PTPRT: variants seen among roughly 807,000 people sequenced by gnomAD.
PTPRT encodes protein tyrosine phosphatase receptor type T, also known as receptor-type tyrosine-protein phosphatase T.
In PTPRT, 56 loss-of-function variants were observed where a neutral mutation model predicts 176.8. The ratio of observed to expected loss-of-function variants is 0.32; its 90% CI spans 0.26 to 0.40. The LOEUF (loss-of-function observed/expected upper bound fraction) is 0.40. Among genes scored for constraint, PTPRT ranks in the 10% least tolerant of loss-of-function variants. PTPRT has a pLI of 1.00. For synonymous variants in PTPRT, 783 were observed against 739.0 expected (o/e 1.06, Z -0.96); for missense variants, 1,540 against 1,908.2 (o/e 0.81, Z 3.60).
chr20:42,139,215 T>G (rs2146405442), intron 18 of PTPRT, among the ~76,000 whole-genome samples: 1 of 152,332 alleles, frequency 6.6e-6, no homozygotes, highest in African/African-American at 2.4e-5. Context: ...CAGCACTGAA[T>G]GCAGACCTGC....
At chr20:42,192,739 C>A (rs1991049405) in intron 16 of PTPRT, among the ~76,000 whole-genome samples, 1 of 152,226 alleles carries the variant, frequency 6.6e-6, no homozygotes, top group African/African-American at 2.4e-5. Context: ...TGCCAGGCTG[C>A]AAGCTCTCTG....
intron 7 of PTPRT, among the ~76,000 whole-genome samples, chr20:42,567,838 A>G (rs976093668): frequency 1.3e-5 from 2 of 152,206 alleles, no homozygotes; most frequent in Non-Finnish European, 2.9e-5. Flanking sequence ...GCATTGATAC[A>G]TGGCACTTGG....
chr20:42,111,014 C>A (rs1431896905), intron 22 of PTPRT, among the ~76,000 whole-genome samples: 2 of 152,160 alleles, frequency 1.3e-5, no homozygotes, highest in African/African-American at 2.4e-5. Context: ...TAAGTAGATT[C>A]TTACTTAGAA....
intron 11 of PTPRT, among the ~76,000 whole-genome samples, chr20:42,316,543 G>A (rs144907391): frequency 3.0e-4 from 45 of 152,216 alleles, no homozygotes; most frequent in African/African-American, 1.1e-3. Context: ...CTAATCATAT[G>A]GCTTCCTAAT....
chr20:43,075,045 T>A (rs1303836629), intron 1 of PTPRT, among the ~76,000 whole-genome samples: 1 of 152,240 alleles, frequency 6.6e-6, no homozygotes, highest in Non-Finnish European at 1.5e-5. Context: ...GATCTCTGCA[T>A]GGATGCAGAA....
At chr20:42,497,224 T>C (rs1243451315) in intron 7 of PTPRT, among the ~76,000 whole-genome samples, 1 of 152,186 alleles carries the variant, frequency 6.6e-6, no homozygotes, top group Non-Finnish European at 1.5e-5. Flanking sequence ...CACAGAATCA[T>C]AGATTTAGCA....
chr20:42,227,193 G>A (rs949442330), intron 15 of PTPRT, among the ~76,000 whole-genome samples: 1 of 151,916 alleles, frequency 6.6e-6, no homozygotes, highest in Non-Finnish European at 1.5e-5. Context: ...GAGGAGGAAG[G>A]GAAGAGGAAA....
rs62204925 is a variant in PTPRT, at chr20:42,478,225, G to A, written c.1154-5663C>T. Reference sequence around the variant, plus strand: ...GTTGGGTGAAAGGAGAAGGGGGAAGGGGCCACGGGCTGACATTTTTATTCC... The same window carrying A: ...GTTGGGTGAAAGGAGAAGGGGGAAGAGGCCACGGGCTGACATTTTTATTCC... On this transcript the variant is annotated intron_variant, in intron 7 of 30. Transcript: ENST00000373187. 7.9e-3 allele frequency among the ~76,000 whole-genome samples: 1,209 copies of A among 152,250 alleles called. 11 individuals are homozygous for A. Among genetic ancestry groups the A allele is most frequent in the Middle Eastern group, 0.014 (4 of 294 alleles).
At chr20:42,260,084 A>C (rs998273283) in intron 13 of PTPRT, among the ~76,000 whole-genome samples, 2 of 152,222 alleles carry the variant, frequency 1.3e-5, no homozygotes, top group African/African-American at 4.8e-5. Flanking sequence ...AGGAAAGTGC[A>C]AACTAAAAAT....
intron 7 of PTPRT, among the ~76,000 whole-genome samples, chr20:42,594,105 A>C (rs1201839617): frequency 6.6e-6 from 1 of 152,192 alleles, no homozygotes; most frequent in Non-Finnish European, 1.5e-5. Context: ...AAGACAGCCA[A>C]AGCAGGAGTA....
chr20:42,526,968 T>TC, intron 7 of PTPRT, among the ~76,000 whole-genome samples: 2 of 136,288 alleles, frequency 1.5e-5, no homozygotes, highest in African/African-American at 5.5e-5. Context: ...TTTTTTTTTT[T>TC]TTTTTTTTTT....
At chr20:42,316,097 T>A (rs926536153) in intron 11 of PTPRT, 101 bp from the exon 12 acceptor site, 2 of 1,352,262 alleles carry the variant, frequency 1.5e-6, no homozygotes, top group Admixed American at 3.8e-5. Flanking sequence ...TGTGGAAGCA[T>A]TGGTTCGGTC....
At chr20:43,133,050 A>ACG (rs3032083) in intron 1 of PTPRT, among the ~76,000 whole-genome samples, 1 of 42,616 alleles carries the variant, frequency 2.3e-5, no homozygotes, top group Non-Finnish European at 4.4e-5. Flanking sequence ...TAGCATAAAT[A>ACG]GTTTAAATAC....
At chr20:42,449,144 A>G (rs2070783133) in intron 8 of PTPRT, among the ~76,000 whole-genome samples, 1 of 152,150 alleles carries the variant, frequency 6.6e-6, no homozygotes. Flanking sequence ...TGAAACCCCA[A>G]TCCAATTAGA....
chr20:42,263,589 C>A (rs2056789999), intron 13 of PTPRT, among the ~76,000 whole-genome samples: 1 of 151,450 alleles, frequency 6.6e-6, no homozygotes, highest in Non-Finnish European at 1.5e-5. Context: ...CCATGTTGGT[C>A]AGGCTGGTCT....
chr20:42,253,150 C>T (rs930055000), intron 13 of PTPRT, among the ~76,000 whole-genome samples: 8 of 152,106 alleles, frequency 5.3e-5, no homozygotes, highest in Non-Finnish European at 8.8e-5. Context: ...GGGAGGGTCC[C>T]GCTTTTGTGG....
chr20:42,186,752 C>T (rs374438889), intron 16 of PTPRT, among the ~76,000 whole-genome samples: 16 of 152,090 alleles, frequency 1.1e-4, no homozygotes, highest in East Asian at 5.8e-4. Flanking sequence ...CAGAATGACA[C>T]GGATGGATAT....
At chr20:42,793,612 T>C (rs1039624016) in intron 2 of PTPRT, among the ~76,000 whole-genome samples, 1 of 152,324 alleles carries the variant, frequency 6.6e-6, no homozygotes, top group African/African-American at 2.4e-5. Context: ...CCCAGTTTTA[T>C]GGCCGTGCAG....
At chr20:42,684,202 G>T (rs1032558238) in intron 6 of PTPRT, among the ~76,000 whole-genome samples, 8 of 152,000 alleles carry the variant, frequency 5.3e-5, no homozygotes, top group African/African-American at 1.9e-4. Flanking sequence ...AAAATTAGCT[G>T]GGCACGGTGG....
Sources: gnomAD v4.1 joint callset for allele counts (sites outside exome capture counted in the v4.1 genomes callset) on GRCh38, gnomAD v4.1.1 for gene constraint, MANE v1.5 for transcripts, NCBI Gene and HGNC (gene_info 2026-07-23, HGNC 2026-07-21) for gene names.